Variants in COL4A3 observed in about 807,000 individuals in gnomAD.
COL4A3 encodes collagen type IV alpha 3 chain, also known as collagen alpha-3(IV) chain.
COL4A3 carries 135 observed loss-of-function variants against 217.4 expected under a neutral mutation model. That is an observed-to-expected ratio of 0.62 (90% CI 0.54 to 0.72). COL4A3 has a LOEUF of 0.72. Among genes scored for constraint, COL4A3 ranks in the 30% least tolerant of loss-of-function variants. The pLI is 0.00. For synonymous variants in COL4A3, 690 were observed against 736.3 expected, an observed-to-expected ratio of 0.94 and a Z score of 1.02; for missense variants, 1,868 against 2,119.9, an observed-to-expected ratio of 0.88 and a Z score of 2.33.
chr2:227,195,456 C>T (rs1298692395), intron 1 of COL4A3, among the ~76,000 whole-genome samples: 1 of 152,140 alleles, frequency 6.6e-6, no homozygotes, highest in Non-Finnish European at 1.5e-5. Flanking sequence ...TGATGTATAG[C>T]AGTCCCAATG....
chr2:227,299,592 T>C (rs1200176339), intron 43 of COL4A3, among the ~76,000 whole-genome samples: 1 of 152,138 alleles, frequency 6.6e-6, no homozygotes. Flanking sequence ...CATTGACTTA[T>C]CGTTAGTACA....
In COL4A3 at chr2:227,227,290, C is replaced by A. The variant is rs549577822; in HGVS notation, c.88-10678C>A. Among the ~76,000 whole-genome samples, 6 of 152,286 alleles carry A rather than the reference C, an allele frequency of 3.9e-5. No homozygotes were observed. The East Asian group carries it at 1.2e-3, about 29-fold the overall frequency. The stretch of plus-strand genomic sequence containing the variant: ...TCCTCCCCCAGTGCCTTGTGGCCAG[C>A]AGAGCCCGTCAATAATGAAATACAG... On this transcript the variant is annotated intron_variant, in intron 1 of 51. Coordinates refer to ENST00000396578, the MANE Select transcript of COL4A3 (RefSeq NM_000091.5).
intron 1 of COL4A3, among the ~76,000 whole-genome samples, chr2:227,236,991 T>G (rs550301020): frequency 6.6e-6 from 1 of 152,334 alleles, no homozygotes; most frequent in South Asian, 2.1e-4. Context: ...TATTTGAAAC[T>G]ATTTCTTTAT....
chr2:227,225,563 T>C (rs948691699), intron 1 of COL4A3, among the ~76,000 whole-genome samples: 5 of 151,984 alleles, frequency 3.3e-5, no homozygotes, highest in Admixed American at 2.6e-4. Flanking sequence ...GAGGTGGGTG[T>C]GGCTAATTTA....
intron 23 of COL4A3, among the ~76,000 whole-genome samples, chr2:227,268,112 C>T (rs1455863072): frequency 1.3e-5 from 2 of 152,236 alleles, no homozygotes; most frequent in Non-Finnish European, 2.9e-5. Context: ...CCTTGGTCTT[C>T]AGACAATGTC....
chr2:227,276,243 T>C, intron 26 of COL4A3, 142 bp from the exon 27 acceptor site: 1 of 692,134 alleles, frequency 1.4e-6, no homozygotes, highest in Non-Finnish European at 2.6e-6. Flanking sequence ...GTCCTTAAGC[T>C]AGTTTTGAAG....
intron 20 of COL4A3, among the ~76,000 whole-genome samples, chr2:227,262,800 G>C (rs147211594): frequency 0.014 from 2,168 of 152,192 alleles, 43 homozygotes; most frequent in African/African-American, 0.05. Flanking sequence ...GATGGAGTTA[G>C]GGGTGAAGAG....
In COL4A3 at chr2:227,282,926, G is replaced by C. The variant is rs974151284; in HGVS notation, c.2656+394G>C. Among the ~76,000 whole-genome samples, 1 of 152,028 alleles carries C rather than the reference G, an allele frequency of 6.6e-6. No homozygotes were observed. The highest frequency in any genetic ancestry group is 6.6e-5 in the Admixed American group (1 of 15,254). ...AGTGTTTCCTCCTCTTGTATTTTCT[G>C]GAACAGTTTGTGAAGAATCGACGCT... On this transcript the variant is annotated intron_variant, in intron 32 of 51. Transcript: ENST00000396578. The surrounding 1 kb of genome is among the most constrained non-coding windows in gnomAD (Gnocchi z 4.4).
At chr2:227,171,821 A>G (rs1172324630) in intron 1 of COL4A3, among the ~76,000 whole-genome samples, 1 of 152,204 alleles carries the variant, frequency 6.6e-6, no homozygotes, top group Non-Finnish European at 1.5e-5. Context: ...AATGAAAGGA[A>G]GGAAAGTACA....
chr2:227,199,107 T>G (rs1035841281), intron 1 of COL4A3, among the ~76,000 whole-genome samples: 2 of 152,110 alleles, frequency 1.3e-5, no homozygotes, highest in Admixed American at 1.3e-4. Flanking sequence ...AATTGAGGAA[T>G]GAAAAAATTC....
rs188294204 is a variant in COL4A3, at chr2:227,291,043, G to A, written c.3210+157G>A. On this transcript the variant is annotated intron_variant, in intron 37 of 51. Transcript: ENST00000396578. ...TTTTTAAAATCCTATCTCCACAACA[G>A]AGGATGCTTGTCTGTCACAGAGCTG... is the stretch of plus-strand genomic sequence containing the variant. 2.5e-5 allele frequency: 21 copies of A among 829,926 alleles called. No homozygotes were observed. In the Middle Eastern group the frequency reaches 1.1e-3, roughly 43 times the overall value. The allele number at this position is 829,926 out of a possible 1,614,324, so 51.4% of individuals were successfully genotyped here. A position where few individuals can be genotyped will look rare whatever the true frequency, so the allele number is the denominator to read the frequency against.
At chr2:227,249,230 A>ATATATATATTTTTTTTTTTTTTTTTTTTT in intron 9 of COL4A3, among the ~76,000 whole-genome samples, 1 of 14,692 alleles carries the variant, frequency 6.8e-5, no homozygotes, top group Non-Finnish European at 1.2e-4. Context: ...ATATATATAT[A>ATATATATATTTTTTTTTTTTTTTTTTTTT]TTTTTTTTTT....
At chr2:227,224,950 C>T (rs929193655) in intron 1 of COL4A3, among the ~76,000 whole-genome samples, 5 of 152,160 alleles carry the variant, frequency 3.3e-5, no homozygotes, top group Non-Finnish European at 7.3e-5. Flanking sequence ...TTCACTCTGT[C>T]GCCCAGGCTG....
intron 34 of COL4A3, among the ~76,000 whole-genome samples, chr2:227,287,332 G>A (rs999722998): frequency 2.0e-5 from 3 of 152,112 alleles, no homozygotes; most frequent in Non-Finnish European, 2.9e-5. Context: ...TTGGGAGGCT[G>A]AGGTAGGAGA....
Position 227,309,282 on chromosome 2 carries a change from C to T in COL4A3, c.4719C>T (p.Gly1573=), listed in dbSNP as rs753671560. ...QTTDIPPCPH[G]WISLWKGFSF... is the part of the protein sequence containing the mutation. ...CTGACATTCCTCCATGTCCTCACGG[C>T]TGGATTTCTCTCTGGAAAGGATTTT... is the stretch of plus-strand genomic sequence containing the variant. The change falls in exon 50 of 52, where the codon GGC becomes GGT. Residue 1573 remains glycine (G), a synonymous_variant. Transcript: ENST00000396578. The T allele has an allele frequency of 3.7e-6, 6 of 1,614,156 alleles. No individual in the cohort carries two copies. Among genetic ancestry groups the T allele is most frequent in the Non-Finnish European group, 5.1e-6 (6 of 1,180,018 alleles).
rs1488754515 is a variant in COL4A3, at chr2:227,273,016, C to G, written c.1826C>G (p.Pro609Arg). Residue 609 changes from proline (P) to arginine (R), a missense_variant, in exon 26 of 52, where the codon CCT becomes CGT. Physicochemically the swap from Pro to Arg is moderately radical, Grantham distance 103. Transcript: ENST00000396578. Reference protein sequence around the residue: ...GDPGSPGSPGPAGPAGPPGYG... With the variant: ...GDPGSPGSPGRAGPAGPPGYG... ...CCTGGCTCCCCTGGGTCCCCAGGAC[C>G]TGCAGGACCAGCTGGACCACCTGGC... 1 of 1,614,110 alleles carries G rather than the reference C, an allele frequency of 6.2e-7. No homozygotes were observed. Among genetic ancestry groups the G allele is most frequent in the South Asian group, 1.1e-5 (1 of 91,082 alleles).
At chr2:227,266,362 T>C (rs1399174606) in intron 21 of COL4A3, 55 bp from the exon 22 acceptor site, 2 of 1,271,386 alleles carry the variant, frequency 1.6e-6, no homozygotes, top group Non-Finnish European at 2.3e-6. Context: ...TTACAATACT[T>C]GCTAATTGAA....
Position 227,294,506 on chromosome 2 carries a change from T to A in COL4A3, c.3354T>A (p.His1118Gln), listed in dbSNP as rs1435651752. 6.8e-6 allele frequency: 11 copies of A among 1,612,502 alleles called. No individual in the cohort carries two copies. Among genetic ancestry groups the A allele is most frequent in the Non-Finnish European group, 9.3e-6 (11 of 1,178,496 alleles). The change falls in exon 39 of 52, where the codon CAT becomes CAA. Residue 1118 changes from histidine (H) to glutamine (Q), a missense_variant. Transcript: ENST00000396578. The part of the protein sequence containing the change: ...SPGLPGKPGP[H>Q]GDLGFKGIKG... ...CATTTCCAGGAAAGCCAGGTCCTCATGGTGATTTGGGTTTTAAAGGAATCA... is the reference window on the plus strand; with the variant it reads ...CATTTCCAGGAAAGCCAGGTCCTCAAGGTGATTTGGGTTTTAAAGGAATCA...
chr2:227,258,883 T>G (rs114806038), intron 18 of COL4A3, among the ~76,000 whole-genome samples: 1 of 152,170 alleles, frequency 6.6e-6, no homozygotes, highest in African/African-American at 2.4e-5. Context: ...ATGGTGGACA[T>G]TATTATGTTA....
Sources: allele counts gnomAD v4.1 joint callset (sites outside exome capture counted in the v4.1 genomes callset), GRCh38; gene constraint gnomAD v4.1.1; non-coding constraint Gnocchi (gnomAD v3.1); transcripts MANE v1.5; gene names NCBI Gene and HGNC (gene_info 2026-07-23, HGNC 2026-07-21).